Variants in FSIP1 observed in about 807,000 individuals in gnomAD.
FSIP1 encodes fibrous sheath interacting protein 1.
A neutral mutation model predicts 60.9 loss-of-function variants in FSIP1; 65 were observed. That is an observed-to-expected ratio of 1.07 (90% CI 0.87 to 1.31). The LOEUF is 1.31. Among genes scored for constraint, FSIP1 ranks in the 40% most tolerant of loss-of-function variants. The pLI, the probability that FSIP1 is intolerant of heterozygous loss-of-function variation, is 0.00. For missense variants in FSIP1, 675 were observed against 665.5 expected (o/e 1.01, Z -0.16); for synonymous variants, 209 against 221.2 (o/e 0.94, Z 0.49).
intron 10 of FSIP1, among the ~76,000 whole-genome samples, chr15:39,663,844 T>C (rs1051355044): frequency 6.6e-6 from 1 of 152,236 alleles, no homozygotes; most frequent in African/African-American, 2.4e-5. Flanking sequence ...CTATGCTCTA[T>C]TTAAACTCTA....
At chr15:39,773,645 C>A (rs1897961091) in intron 2 of FSIP1, among the ~76,000 whole-genome samples, 1 of 152,170 alleles carries the variant, frequency 6.6e-6, no homozygotes, top group African/African-American at 2.4e-5. Context: ...GCAGCCTGGA[C>A]AACATAGTGA....
chr15:39,690,494 T>C (rs1894552807), intron 10 of FSIP1, among the ~76,000 whole-genome samples: 4 of 152,168 alleles, frequency 2.6e-5, no homozygotes. Flanking sequence ...ACCCCATTAG[T>C]CTATGTTATT....
chr15:39,763,267 C>G (rs1455952002), intron 5 of FSIP1, among the ~76,000 whole-genome samples: 1 of 152,104 alleles, frequency 6.6e-6, no homozygotes, highest in Non-Finnish European at 1.5e-5. Context: ...TGTTTCTAAT[C>G]CCTAAAATTT....
intron 10 of FSIP1, among the ~76,000 whole-genome samples, chr15:39,682,387 C>CCACA (rs1164734091): frequency 1.3e-5 from 2 of 152,128 alleles, no homozygotes; most frequent in Non-Finnish European, 2.9e-5. Context: ...ATATAAAACC[C>CCACA]CACACATTTG....
At chr15:39,635,147 A>G (rs531933688) in intron 10 of FSIP1, among the ~76,000 whole-genome samples, 2 of 152,188 alleles carry the variant, frequency 1.3e-5, no homozygotes, top group Non-Finnish European at 2.9e-5. Context: ...CATCCTGGCC[A>G]ACATGGTGAA....
At chr15:39,642,674 C>CT (rs989363896) in intron 10 of FSIP1, among the ~76,000 whole-genome samples, 1 of 152,070 alleles carries the variant, frequency 6.6e-6, no homozygotes, top group Admixed American at 6.5e-5. Flanking sequence ...AACCTGAAAC[C>CT]TTTTTTCAAG....
At chr15:39,765,499 C>T (rs934613190) in intron 4 of FSIP1, 93 bp downstream of exon 4, 3 of 887,410 alleles carry the variant, frequency 3.4e-6, no homozygotes, top group Admixed American at 3.1e-5. Flanking sequence ...CTGCCTCAGC[C>T]TCCCTAAGTG....
Position 39,770,598 on chromosome 15 carries a change from T to C in FSIP1, c.139A>G (p.Ser47Gly), listed in dbSNP as rs1350155048. The C allele has an allele frequency of 3.6e-5, 54 of 1,518,908 alleles. No homozygotes were observed. Among genetic ancestry groups the C allele is most frequent in the Non-Finnish European group, 4.8e-5 (54 of 1,136,488 alleles). 94.1% of individuals were successfully genotyped at this position (1,518,908 alleles called of 1,614,324 possible). The change falls in exon 3 of 12, where the codon AGC becomes GGC. Residue 47 changes from serine to glycine, a missense_variant. Coordinates refer to ENST00000350221, the MANE Select transcript of FSIP1 (RefSeq NM_152597.5). ...EPGSFKVDTASNLNSGKEDHS... is the reference protein window; with the variant it reads ...EPGSFKVDTAGNLNSGKEDHS... ...TCCTCTTTACCAGAGTTCAAGTTGC[T>C]TGCAGTATCGACCTAAAAATAATTT...
chr15:39,632,389 G>A (rs1891932514), intron 10 of FSIP1, among the ~76,000 whole-genome samples: 1 of 152,112 alleles, frequency 6.6e-6, no homozygotes, highest in Non-Finnish European at 1.5e-5. Context: ...TGTTGCCCAA[G>A]CTGGTCTTGA....
chr15:39,742,751 A>T (rs1395421038), intron 5 of FSIP1, among the ~76,000 whole-genome samples: 1 of 152,144 alleles, frequency 6.6e-6, no homozygotes, highest in Non-Finnish European at 1.5e-5. Flanking sequence ...CATTCACCTA[A>T]TTCAAAACAC....
intron 9 of FSIP1, among the ~76,000 whole-genome samples, chr15:39,718,468 T>C (rs780035822): frequency 1.1e-4 from 16 of 151,278 alleles, no homozygotes; most frequent in South Asian, 8.4e-4. Context: ...AATAAACATG[T>C]TATCAATTTC....
chr15:39,646,413 AC>A (rs1315899771), intron 10 of FSIP1, among the ~76,000 whole-genome samples: 1 of 146,928 alleles, frequency 6.8e-6, no homozygotes, highest in Non-Finnish European at 1.5e-5. Context: ...TCCTAACACT[AC>A]TGGTTTGGGC....
chr15:39,753,723 C>A (rs371020195), intron 5 of FSIP1, among the ~76,000 whole-genome samples: 1 of 151,010 alleles, frequency 6.6e-6, no homozygotes, highest in African/African-American at 2.4e-5. Context: ...AAAAAGGACA[C>A]AAAAATTAAC....
intron 10 of FSIP1, among the ~76,000 whole-genome samples, chr15:39,619,818 T>C (rs1207516052): frequency 1.3e-5 from 2 of 151,866 alleles, no homozygotes. Context: ...TTACCAAACA[T>C]CCTCATCAAA....
chr15:39,773,235 C>A (rs1004959716), intron 2 of FSIP1, among the ~76,000 whole-genome samples: 2 of 152,128 alleles, frequency 1.3e-5, no homozygotes, highest in Non-Finnish European at 2.9e-5. Context: ...ATTAGTCAAA[C>A]AATATGTAAG....
intron 4 of FSIP1, among the ~76,000 whole-genome samples, chr15:39,765,273 T>C (rs574472088): frequency 7.1e-6 from 1 of 141,082 alleles, no homozygotes; most frequent in Admixed American, 7.5e-5. Context: ...AGTGTCTTGC[T>C]CTGTCAGCCA....
At chr15:39,636,416 G>T (rs1892141114) in intron 10 of FSIP1, among the ~76,000 whole-genome samples, 1 of 152,088 alleles carries the variant, frequency 6.6e-6, no homozygotes, top group South Asian at 2.1e-4. Context: ...CTTTGTCATT[G>T]GTGTCTTGAG....
chr15:39,600,730 G>C lies in FSIP1; in HGVS notation c.*150C>G. 1.8e-6 allele frequency: 1 copy of C among 570,718 alleles called. No homozygotes were observed. The highest frequency in any genetic ancestry group is 3.0e-6 in the Non-Finnish European group (1 of 331,786). 35.4% of individuals were successfully genotyped at this position (570,718 alleles called of 1,614,324 possible). ...ACACCCCAAGTCTCAAAAATATCAA[G>C]GAAATATAATCCACAAAGAGCGACT... On this transcript the variant is annotated 3_prime_UTR_variant, in exon 12 of 12. Transcript: ENST00000350221.
intron 6 of FSIP1, 126 bp downstream of exon 6, chr15:39,741,679 T>C (rs1364174912): frequency 3.6e-6 from 2 of 560,060 alleles, no homozygotes; most frequent in African/African-American, 3.7e-5. Flanking sequence ...TGTGTCATCT[T>C]GAACTCTACT....
Sources: allele counts gnomAD v4.1 joint callset (sites outside exome capture counted in the v4.1 genomes callset), GRCh38; gene constraint gnomAD v4.1.1; transcripts MANE v1.5; gene names NCBI Gene and HGNC (gene_info 2026-07-23, HGNC 2026-07-21).